GABRA4: variants seen among roughly 807,000 people sequenced by gnomAD.
GABRA4 encodes the protein gamma-aminobutyric acid receptor subunit alpha-4.
In GABRA4, 12 loss-of-function variants were observed where a neutral mutation model predicts 49.7. The ratio of observed to expected loss-of-function variants is 0.24; its 90% CI spans 0.15 to 0.39. The LOEUF (loss-of-function observed/expected upper bound fraction) is 0.39. Among genes scored for constraint, GABRA4 ranks in the 10% least tolerant of loss-of-function variants. The probability of loss-of-function intolerance (pLI) is 1.00; values close to 1 mark genes in which losing one functional copy is unlikely to be tolerated. For missense variants in GABRA4, 506 were observed against 686.0 expected, an observed-to-expected ratio of 0.74 and a Z score of 2.93; for synonymous variants, 288 against 240.2, an observed-to-expected ratio of 1.20 and a Z score of -1.84.
At chr4:46,990,450 A>G (rs1723704541) in intron 2 of GABRA4, among the ~76,000 whole-genome samples, 1 of 152,206 alleles carries the variant, frequency 6.6e-6, no homozygotes. Context: ...CTTTTGAATT[A>G]CAGCTTGCAT....
At chr4:46,933,064 C>A in intron 8 of GABRA4, among the ~76,000 whole-genome samples, 1 of 152,012 alleles carries the variant, frequency 6.6e-6, no homozygotes, top group East Asian at 1.9e-4. Flanking sequence ...GAAAAAAGAA[C>A]AATGAAGTAA....
intron 2 of GABRA4, among the ~76,000 whole-genome samples, chr4:46,984,675 T>C (rs1170713759): frequency 1.3e-5 from 2 of 151,950 alleles, no homozygotes; most frequent in East Asian, 3.9e-4. Flanking sequence ...CCAATAAAGA[T>C]TGGAAAAGAT....
chr4:46,948,926 A>G (rs1444454869), intron 8 of GABRA4, among the ~76,000 whole-genome samples: 3 of 152,068 alleles, frequency 2.0e-5, no homozygotes, highest in Non-Finnish European at 1.5e-5. Flanking sequence ...ACTCCTTTCC[A>G]TATATTTTCT....
intron 2 of GABRA4, among the ~76,000 whole-genome samples, chr4:46,981,922 C>T (rs898350581): frequency 7.2e-5 from 11 of 151,978 alleles, no homozygotes; most frequent in Admixed American, 2.6e-4. Flanking sequence ...GATCAAAGAC[C>T]GGAAAAGGGC....
chr4:46,980,857 T>C (rs1723332801), intron 2 of GABRA4, among the ~76,000 whole-genome samples: 1 of 152,028 alleles, frequency 6.6e-6, no homozygotes, highest in Non-Finnish European at 1.5e-5. Flanking sequence ...TTAAGGACAA[T>C]TGCCAGAGTA....
At chr4:46,993,241 C>G in intron 1 of GABRA4, 98 bp downstream of exon 1, 4 of 1,026,104 alleles carry the variant, frequency 3.9e-6, no homozygotes, top group Non-Finnish European at 4.6e-6. Flanking sequence ...ATAAGAAGAC[C>G]TAGTCCACCC....
chr4:46,960,778 A>T (rs965575425), intron 8 of GABRA4, among the ~76,000 whole-genome samples: 5 of 151,760 alleles, frequency 3.3e-5, no homozygotes, highest in African/African-American at 1.2e-4. Context: ...AATAAAACAT[A>T]GTGAAAATAA....
intron 6 of GABRA4, among the ~76,000 whole-genome samples, chr4:46,971,965 T>A (rs1435170524): frequency 2.7e-5 from 4 of 150,868 alleles, no homozygotes; most frequent in African/African-American, 9.7e-5. Context: ...TTGATAAGTG[T>A]TTTTACTGTT....
intron 2 of GABRA4, among the ~76,000 whole-genome samples, chr4:46,979,511 G>T (rs140285813): frequency 5.9e-5 from 9 of 152,178 alleles, no homozygotes; most frequent in Admixed American, 2.6e-4. Context: ...AACCATAACA[G>T]CTGTAAGGAA....
intron 8 of GABRA4, among the ~76,000 whole-genome samples, chr4:46,950,183 C>T (rs969141200): frequency 6.6e-6 from 1 of 151,994 alleles, no homozygotes; most frequent in African/African-American, 2.4e-5. Flanking sequence ...TGTTGAAGCT[C>T]AGAATCTATA....
Position 46,928,823 on chromosome 4 carries a change from G to A in GABRA4, c.1135-68C>T, listed in dbSNP as rs1159258149. Reference sequence around the variant, plus strand: ...TGCAGATTTGTACAAAATTTAAAGGGATCAAAATTCTTAAAATTAGTCATT... The same window carrying A: ...TGCAGATTTGTACAAAATTTAAAGGAATCAAAATTCTTAAAATTAGTCATT... On this transcript the variant is annotated intron_variant, in intron 8 of 8. Coordinates refer to ENST00000264318, the MANE Select transcript of GABRA4 (RefSeq NM_000809.4). 7 of 1,036,600 alleles carry A rather than the reference G, an allele frequency of 6.8e-6. No individual in the cohort carries two copies. In the East Asian group the frequency reaches 7.6e-5, roughly 11 times the overall value. The allele number at this position is 1,036,600 out of a possible 1,614,324, so 64.2% of individuals were successfully genotyped here. A position where few individuals can be genotyped will look rare whatever the true frequency, so the allele number is the denominator to read the frequency against.
chr4:46,981,855 G>A (rs1046420340), intron 2 of GABRA4, among the ~76,000 whole-genome samples: 2 of 152,068 alleles, frequency 1.3e-5, no homozygotes, highest in Admixed American at 1.3e-4. Flanking sequence ...ATGAGCATGA[G>A]CCATTGCAAG....
chr4:46,937,714 T>G (rs1721648823), intron 8 of GABRA4, among the ~76,000 whole-genome samples: 1 of 152,192 alleles, frequency 6.6e-6, no homozygotes, highest in Admixed American at 6.5e-5. Flanking sequence ...TCTTCCTAAT[T>G]TGGTCAAAAT....
chr4:46,954,007 G>C (rs747099937), intron 8 of GABRA4, among the ~76,000 whole-genome samples: 8 of 151,846 alleles, frequency 5.3e-5, no homozygotes, highest in Non-Finnish European at 1.2e-4. Flanking sequence ...AGACCTTTCT[G>C]TGCCTCAATT....
At position 46,923,854 on chromosome 4, in the gene GABRA4, CA is replaced by C. The variant is rs1255959199; in HGVS notation, c.*4370del. 6.6e-6 allele frequency: 1 copy of C among 152,096 alleles called. No homozygotes were observed. Among genetic ancestry groups the C allele is most frequent in the Non-Finnish European group, 1.5e-5 (1 of 68,018 alleles). 9.4% of individuals were successfully genotyped at this position (152,096 alleles called of 1,614,324 possible). A position where few individuals can be genotyped will look rare whatever the true frequency, so the allele number is the denominator to read the frequency against. ...ATCCAGGCTCTTTAGGTCTTTCCAA[CA>C]TCAACAACTCTCACTTCCCTGCATT... is the stretch of plus-strand genomic sequence containing the variant. On this transcript the variant is annotated 3_prime_UTR_variant, in exon 9 of 9. Coordinates refer to ENST00000264318, the MANE Select transcript of GABRA4 (RefSeq NM_000809.4).
chr4:46,990,916 C>G (rs112004707), intron 2 of GABRA4, among the ~76,000 whole-genome samples: 2 of 152,216 alleles, frequency 1.3e-5, no homozygotes, highest in Non-Finnish European at 2.9e-5. Context: ...GCGCGGCTCA[C>G]GCCTATAATC....
In GABRA4 at chr4:46,926,338, T is replaced by C. The variant is rs529422279; in HGVS notation, c.*1887A>G. 2.6e-5 allele frequency: 4 copies of C among 152,050 alleles called. No individual in the cohort carries two copies. The highest frequency in any genetic ancestry group is 3.9e-4 in the East Asian group (2 of 5,174). The allele number at this position is 152,050 out of a possible 1,614,324, so 9.4% of individuals were successfully genotyped here. ...TATACAGGTGTTACTGGACCTAATT[T>C]TACTAGAATCAATTTTAAATTGGGG... On this transcript the variant is annotated 3_prime_UTR_variant, in exon 9 of 9. Transcript: ENST00000264318.
At chr4:46,972,872 A>C (rs1722999402) in intron 6 of GABRA4, among the ~76,000 whole-genome samples, 1 of 151,682 alleles carries the variant, frequency 6.6e-6, no homozygotes, top group South Asian at 2.1e-4. Flanking sequence ...TAAAACAAAA[A>C]CAAAAAAAAA....
chr4:46,935,792 A>G (rs908251825), intron 8 of GABRA4, among the ~76,000 whole-genome samples: 3 of 152,204 alleles, frequency 2.0e-5, no homozygotes, highest in African/African-American at 7.2e-5. Flanking sequence ...CGTTCTGCAC[A>G]TGCATCCCAG....
Sources: allele counts gnomAD v4.1 joint callset (sites outside exome capture counted in the v4.1 genomes callset), GRCh38; gene constraint gnomAD v4.1.1; transcripts MANE v1.5; gene names NCBI Gene and HGNC (gene_info 2026-07-23, HGNC 2026-07-21).